Variants in TMX4 observed in about 807,000 individuals in gnomAD.
TMX4 encodes the protein thioredoxin-related transmembrane protein 4.
In TMX4, 23 loss-of-function variants were observed where a neutral mutation model predicts 33.3. That is an observed-to-expected ratio of 0.69 (90% CI 0.50 to 0.98). The LOEUF is 0.98. TMX4 is among the 50% of genes least tolerant of loss of function. The pLI is 0.00. For missense variants in TMX4, 399 were observed against 448.9 expected (o/e 0.89, Z 1.01); for synonymous variants, 164 against 161.5 (o/e 1.02, Z -0.12).
In TMX4 at chr20:8,019,707, C is replaced by A. The variant is rs981625794; in HGVS notation, c.-94G>T. On this transcript the variant is annotated 5_prime_UTR_variant, in exon 1 of 8. Coordinates refer to ENST00000246024, the MANE Select transcript of TMX4 (RefSeq NM_021156.4). ...TCGCCCGCCGGGTTTTTCAAGGAAG[C>A]GGGAGACGCAAGGGCCACCCCGCCT... 15 of 1,151,310 alleles carry A rather than the reference C, an allele frequency of 1.3e-5. No homozygotes were observed. Among genetic ancestry groups the A allele is most frequent in the Admixed American group, 4.3e-5 (1 of 23,258 alleles). 71.3% of individuals were successfully genotyped at this position (1,151,310 alleles called of 1,614,324 possible). A position where few individuals can be genotyped will look rare whatever the true frequency, so the allele number is the denominator to read the frequency against.
chr20:8,009,423 G>C (rs2050743340), intron 2 of TMX4, among the ~76,000 whole-genome samples: 1 of 151,980 alleles, frequency 6.6e-6, no homozygotes, highest in South Asian at 2.1e-4. Flanking sequence ...GAGCATCATG[G>C]ATCTTAAAAC....
intron 1 of TMX4, among the ~76,000 whole-genome samples, chr20:8,017,392 T>C (rs1218021126): frequency 1.3e-5 from 2 of 152,230 alleles, no homozygotes; most frequent in Non-Finnish European, 2.9e-5. Flanking sequence ...GCATATTCCA[T>C]ACAACTGGAC....
intron 1 of TMX4, among the ~76,000 whole-genome samples, chr20:8,010,980 A>G (rs954908398): frequency 6.6e-6 from 1 of 152,158 alleles, no homozygotes; most frequent in Non-Finnish European, 1.5e-5. Context: ...ACAATTGTGA[A>G]GGAGATTTGG....
chr20:7,994,240 A>T (rs2050666929), intron 5 of TMX4, among the ~76,000 whole-genome samples: 1 of 152,118 alleles, frequency 6.6e-6, no homozygotes, highest in South Asian at 2.1e-4. Flanking sequence ...TAACATATAT[A>T]TTCTACTTCT....
chr20:7,997,953 G>A (rs1240055853), intron 4 of TMX4, among the ~76,000 whole-genome samples: 2 of 152,086 alleles, frequency 1.3e-5, no homozygotes, highest in Non-Finnish European at 2.9e-5. Context: ...GATCTCTCAG[G>A]AGATTTGGTT....
chr20:8,018,441 A>AGAGAGAGG (rs1378100369), intron 1 of TMX4, among the ~76,000 whole-genome samples: 1 of 44,948 alleles, frequency 2.2e-5, no homozygotes, highest in Non-Finnish European at 3.7e-5. Context: ...GAGGAGAGAG[A>AGAGAGAGG]GAGAGAGGGG....
rs1320379777 is a variant in TMX4 at position 7,981,397 on chromosome 20, TCAA to T, written c.*851_*853del. ...ATTGCTTAGAAAACTTAAAAAAAAA[TCAA>T]CAACAACTATATTTTGGACAAAACA... On this transcript the variant is annotated 3_prime_UTR_variant, in exon 8 of 8. Coordinates refer to ENST00000246024, the MANE Select transcript of TMX4 (RefSeq NM_021156.4). The T allele has an allele frequency of 6.6e-6, 1 of 152,204 alleles. No individual in the cohort carries two copies. Among genetic ancestry groups the T allele is most frequent in the Admixed American group, 6.5e-5 (1 of 15,270 alleles). The allele number at this position is 152,204 out of a possible 1,614,324, so 9.4% of individuals were successfully genotyped here.
chr20:8,019,310 G>T, intron 1 of TMX4, 128 bp downstream of exon 1: 1 of 1,172,102 alleles, frequency 8.5e-7, no homozygotes, highest in Non-Finnish European at 1.1e-6. Flanking sequence ...GCAGGTTGTT[G>T]GCAAGCCTGG....
intron 2 of TMX4, among the ~76,000 whole-genome samples, chr20:8,007,181 C>T (rs1341762938): frequency 6.6e-6 from 1 of 152,100 alleles, no homozygotes; most frequent in Non-Finnish European, 1.5e-5. Flanking sequence ...ATTGATGGTC[C>T]TCAAACTTAC....
At chr20:8,000,734 C>T (rs574091720) in intron 3 of TMX4, among the ~76,000 whole-genome samples, 1 of 152,272 alleles carries the variant, frequency 6.6e-6, no homozygotes, top group East Asian at 1.9e-4. Flanking sequence ...CTGAGGAATT[C>T]TCAATATGTA....
intron 5 of TMX4, among the ~76,000 whole-genome samples, chr20:7,990,917 G>C (rs78501801): frequency 0.015 from 2,313 of 152,186 alleles, 24 homozygotes; most frequent in South Asian, 0.022. Flanking sequence ...TCTATGAAAG[G>C]TACCTTACAG....
intron 2 of TMX4, among the ~76,000 whole-genome samples, chr20:8,006,045 T>C (rs1044408603): frequency 3.9e-5 from 6 of 152,178 alleles, no homozygotes; most frequent in African/African-American, 1.4e-4. Context: ...AAGCCACCTA[T>C]GGATGGCTAA....
intron 2 of TMX4, among the ~76,000 whole-genome samples, chr20:8,009,478 A>C (rs1161929773): frequency 6.6e-6 from 1 of 152,090 alleles, no homozygotes; most frequent in African/African-American, 2.4e-5. Flanking sequence ...ACAATGTGAG[A>C]TCCTTTCTTC....
chr20:7,991,965 C>T (rs2050657145), intron 5 of TMX4, among the ~76,000 whole-genome samples: 1 of 152,184 alleles, frequency 6.6e-6, no homozygotes, highest in South Asian at 2.1e-4. Flanking sequence ...GAAGACTGGA[C>T]AGTCTCTCTC....
At chr20:8,009,415 G>A (rs1453237055) in intron 2 of TMX4, among the ~76,000 whole-genome samples, 1 of 152,040 alleles carries the variant, frequency 6.6e-6, no homozygotes, top group Non-Finnish European at 1.5e-5. Context: ...TCAGGCAAGA[G>A]CATCATGGAT....
In TMX4 at chr20:7,983,146, T is replaced by C. The variant is rs576935867; in HGVS notation, c.680-525A>G. Among the ~76,000 whole-genome samples, 5 of 152,372 alleles carry C rather than the reference T, an allele frequency of 3.3e-5. No homozygotes were observed. In the East Asian group the frequency reaches 7.7e-4, roughly 23 times the overall value. On this transcript the variant is annotated intron_variant, in intron 7 of 7. Transcript: ENST00000246024. ...AGAATGTCCCTGGGCTTTTCAGTTA[T>C]GTGAGCTAATAAATTTTCATTTGTT...
intron 2 of TMX4, among the ~76,000 whole-genome samples, chr20:8,006,741 T>G (rs1568538156): frequency 6.7e-6 from 1 of 149,310 alleles, no homozygotes; most frequent in Non-Finnish European, 1.5e-5. Context: ...TTCCTTCTCC[T>G]ATGATGGAAC....
chr20:7,993,502 G>C lies in TMX4; in HGVS notation c.513+2524C>G, dbSNP rs1181256464. Reference sequence around the variant, plus strand: ...CTCGCTGAGTAAGTGGCTCTATAAAGACAGGAAGGCAAGACCATAACTAAA... The same window carrying C: ...CTCGCTGAGTAAGTGGCTCTATAAACACAGGAAGGCAAGACCATAACTAAA... On this transcript the variant is annotated intron_variant, in intron 5 of 7. Transcript: ENST00000246024. Among the ~76,000 whole-genome samples the C allele has an allele frequency of 6.6e-5, 10 of 152,238 alleles. No individual in the cohort carries two copies. The East Asian group carries it at 9.7e-4, about 15-fold the overall frequency.
At chr20:7,998,841 G>T (rs1436748419) in intron 4 of TMX4, among the ~76,000 whole-genome samples, 1 of 152,154 alleles carries the variant, frequency 6.6e-6, no homozygotes, top group African/African-American at 2.4e-5. Flanking sequence ...TAGAAGAGCA[G>T]GTCCATAACC....
Sources: allele counts gnomAD v4.1 joint callset (sites outside exome capture counted in the v4.1 genomes callset), GRCh38; gene constraint gnomAD v4.1.1; transcripts MANE v1.5; gene names NCBI Gene and HGNC (gene_info 2026-07-23, HGNC 2026-07-21).